Variants in GNAL observed in about 807,000 individuals in gnomAD.
GNAL encodes G protein subunit alpha L.
In GNAL, 18 loss-of-function variants were observed where a neutral mutation model predicts 55.1. That is an observed-to-expected ratio of 0.33 (90% CI 0.23 to 0.48). The LOEUF (loss-of-function observed/expected upper bound fraction) is 0.48, where lower values mean the gene tolerates loss of function less well. Ranked by LOEUF, GNAL falls within the 20% of genes least tolerant of loss-of-function variation. GNAL has a pLI of 0.99. For synonymous variants in GNAL, 253 were observed against 237.0 expected (o/e 1.07, Z -0.62); for missense variants, 412 against 614.1 (o/e 0.67, Z 3.48).
At chr18:11,746,665 G>C (rs16976627) in intron 1 of GNAL, 1 of 248,720 alleles carries the variant, frequency 4.0e-6, no homozygotes, top group Non-Finnish European at 8.0e-6. Flanking sequence ...CAATTTTGAC[G>C]ACAGACAGAA....
chr18:11,695,867 G>T (rs2031389802), intron 1 of GNAL, among the ~76,000 whole-genome samples: 1 of 151,624 alleles, frequency 6.6e-6, no homozygotes, highest in Non-Finnish European at 1.5e-5. Flanking sequence ...TGTGTCTTTA[G>T]TTACTGTCAG....
chr18:11,867,917 G>C (rs1937368527), intron 8 of GNAL, among the ~76,000 whole-genome samples: 1 of 151,886 alleles, frequency 6.6e-6, no homozygotes, highest in African/African-American at 2.4e-5. Context: ...CTGAGGTCAG[G>C]AGTTCAAGAT....
At position 11,751,817 on chromosome 18, in the gene GNAL, C is replaced by A; in HGVS notation, c.377-1036C>A. ...CCAGCGGCCCGGCCGCCCCCAAAGC[C>A]AGCCTCCCTCTCCCTTCCCCGCACC... is the stretch of plus-strand genomic sequence containing the variant. On this transcript the variant is annotated intron_variant, in intron 1 of 11. Transcript: ENST00000334049. The surrounding 1 kb of genome is among the most constrained non-coding windows in gnomAD (Gnocchi z 4.5). 1 of 222,896 alleles carries A rather than the reference C, an allele frequency of 4.5e-6. No homozygotes were observed. Among genetic ancestry groups the A allele is most frequent in the Non-Finnish European group, 7.5e-6 (1 of 132,712 alleles). The allele number at this position is 222,896 out of a possible 1,614,324, so 13.8% of individuals were successfully genotyped here.
intron 4 of GNAL, among the ~76,000 whole-genome samples, chr18:11,757,114 T>G (rs2033082174): frequency 6.6e-6 from 1 of 152,088 alleles, no homozygotes; most frequent in Non-Finnish European, 1.5e-5. Context: ...ATATTGCACA[T>G]GGGGGAAATA....
At chr18:11,757,691 GTT>G (rs2033104335) in intron 4 of GNAL, among the ~76,000 whole-genome samples, 1 of 152,146 alleles carries the variant, frequency 6.6e-6, no homozygotes, top group South Asian at 2.1e-4. Flanking sequence ...GTATGAGGAG[GTT>G]TTGTTTTCCT....
At chr18:11,852,706 A>G (rs536555807) in intron 5 of GNAL, 2 of 166,024 alleles carry the variant, frequency 1.2e-5, no homozygotes, top group South Asian at 4.2e-4. Flanking sequence ...TTATACTGAA[A>G]TTACCTTAGG....
chr18:11,710,399 C>A (rs1235152334), intron 1 of GNAL, among the ~76,000 whole-genome samples: 1 of 152,116 alleles, frequency 6.6e-6, no homozygotes, highest in East Asian at 1.9e-4. Context: ...AGTGTTAATA[C>A]TTTGTCTTTT....
intron 5 of GNAL, among the ~76,000 whole-genome samples, chr18:11,859,122 T>A (rs1456768099): frequency 6.6e-6 from 1 of 152,208 alleles, no homozygotes; most frequent in Non-Finnish European, 1.5e-5. Context: ...ACTCTAACTA[T>A]AGCCACAGGC....
At chr18:11,850,951 C>T (rs1264949216) in intron 5 of GNAL, among the ~76,000 whole-genome samples, 1 of 152,162 alleles carries the variant, frequency 6.6e-6, no homozygotes, top group Non-Finnish European at 1.5e-5. Context: ...TTTAATGTAT[C>T]CATGGTTTCC....
chr18:11,724,524 A>G (rs1181242603), intron 1 of GNAL, among the ~76,000 whole-genome samples: 1 of 152,116 alleles, frequency 6.6e-6, no homozygotes, highest in African/African-American at 2.4e-5. Context: ...CACACACACG[A>G]CCTGAGTCTT....
chr18:11,709,529 T>C (rs1163313903), intron 1 of GNAL, among the ~76,000 whole-genome samples: 1 of 152,106 alleles, frequency 6.6e-6, no homozygotes, highest in East Asian at 1.9e-4. Flanking sequence ...TTCTCCTCCT[T>C]GGTTAATTCC....
intron 1 of GNAL, among the ~76,000 whole-genome samples, chr18:11,731,542 C>T (rs981625380): frequency 4.6e-5 from 7 of 152,174 alleles, no homozygotes; most frequent in Admixed American, 3.9e-4. Flanking sequence ...TTTTAGTTTA[C>T]GATAGGTCGA....
In GNAL at chr18:11,884,907, G is replaced by T. The variant is rs529843782; in HGVS notation, c.*3772G>T. On this transcript the variant is annotated 3_prime_UTR_variant, in exon 12 of 12. Coordinates refer to ENST00000334049, the MANE Select transcript of GNAL (RefSeq NM_182978.4). ...TCAAAACTGGCCCCTGGCTCACTGG[G>T]TTCCCATCAAATATAGTGGGGGATC... The T allele has an allele frequency of 1.5e-6, 2 of 1,298,238 alleles. No homozygotes were observed. The highest frequency in any genetic ancestry group is 1.5e-5 in the South Asian group (1 of 67,260). 80.4% of individuals were successfully genotyped at this position (1,298,238 alleles called of 1,614,324 possible).
In GNAL at chr18:11,884,412, T is replaced by C. The variant is rs372168400; in HGVS notation, c.*3277T>C. The C allele has an allele frequency of 2.5e-6, 4 of 1,603,216 alleles. No individual in the cohort carries two copies. Among genetic ancestry groups the C allele is most frequent in the East Asian group, 4.5e-5 (2 of 44,678 alleles). On this transcript the variant is annotated 3_prime_UTR_variant, in exon 12 of 12. Transcript: ENST00000334049. The stretch of plus-strand genomic sequence containing the variant: ...TGATCTCTGCCCAAAGTTCCATTTC[T>C]TGGGCTTTGATATTTATAATGGCGC...
chr18:11,849,418 C>T (rs977070892), intron 5 of GNAL, among the ~76,000 whole-genome samples: 2 of 149,922 alleles, frequency 1.3e-5, no homozygotes, highest in Non-Finnish European at 2.9e-5. Context: ...AGGAGAATCG[C>T]GTGAACCCAG....
chr18:11,788,936 T>TATATATATACAC (rs1219351502), intron 4 of GNAL, among the ~76,000 whole-genome samples: 1 of 128,898 alleles, frequency 7.8e-6, no homozygotes, highest in Admixed American at 7.6e-5. Flanking sequence ...TATATATATA[T>TATATATATACAC]ACACATATAT....
chr18:11,871,626 A>G (rs1003001415), intron 9 of GNAL, among the ~76,000 whole-genome samples: 1 of 152,230 alleles, frequency 6.6e-6, no homozygotes, highest in African/African-American at 2.4e-5. Context: ...ATGGAGGCGG[A>G]AGAAGAACCA....
intron 4 of GNAL, among the ~76,000 whole-genome samples, chr18:11,793,680 C>T (rs1471560250): frequency 2.6e-5 from 4 of 150,946 alleles, no homozygotes; most frequent in African/African-American, 9.8e-5. Flanking sequence ...AATCCCAACA[C>T]TTTGGGAGGC....
intron 6 of GNAL, among the ~76,000 whole-genome samples, chr18:11,863,566 A>G (rs1295887231): frequency 6.6e-6 from 1 of 152,172 alleles, no homozygotes; most frequent in Admixed American, 6.5e-5. Context: ...TTCTCGTTAT[A>G]CTAAAATGGG....
Sources: allele counts gnomAD v4.1 joint callset (sites outside exome capture counted in the v4.1 genomes callset), GRCh38; gene constraint gnomAD v4.1.1; non-coding constraint Gnocchi (gnomAD v3.1); transcripts MANE v1.5; gene names NCBI Gene and HGNC (gene_info 2026-07-23, HGNC 2026-07-21).